The following LGR5 variants were observed in gnomAD, a reference collection of about 807,000 sequenced individuals.
The protein encoded by LGR5 is leucine-rich repeat-containing G protein-coupled receptor 5.
LGR5 carries 54 observed loss-of-function variants against 76.7 expected under a neutral mutation model. The observed-to-expected ratio is 0.70, with a 90% CI of 0.57 to 0.88. The LOEUF (loss-of-function observed/expected upper bound fraction) is 0.88. Among genes scored for constraint, LGR5 ranks in the 40% least tolerant of loss-of-function variants. The pLI is 0.00. For missense variants in LGR5, 1,078 were observed against 1,073.3 expected (o/e 1.00, Z -0.06); for synonymous variants, 406 against 421.9 (o/e 0.96, Z 0.46).
intron 16 of LGR5, among the ~76,000 whole-genome samples, chr12:71,581,418 G>A (rs973839056): frequency 8.5e-5 from 13 of 152,222 alleles, no homozygotes; most frequent in Admixed American, 2.6e-4. Context: ...CCAACCCTGC[G>A]AGTTTGCACA....
At chr12:71,483,087 G>GA (rs968808048) in intron 1 of LGR5, among the ~76,000 whole-genome samples, 2 of 149,406 alleles carry the variant, frequency 1.3e-5, no homozygotes, top group South Asian at 2.1e-4. Context: ...ACTGTTATAA[G>GA]AAAAAAAAAG....
At chr12:71,457,213 T>A (rs1236256470) in intron 1 of LGR5, among the ~76,000 whole-genome samples, 1 of 152,164 alleles carries the variant, frequency 6.6e-6, no homozygotes, top group Admixed American at 6.5e-5. Context: ...AGAACCATTG[T>A]CCAAGCCGCA....
intron 1 of LGR5, among the ~76,000 whole-genome samples, chr12:71,446,468 G>A (rs975736663): frequency 6.6e-6 from 1 of 152,132 alleles, no homozygotes; most frequent in African/African-American, 2.4e-5. Flanking sequence ...ACTTTACTCA[G>A]TCAATACCCC....
At chr12:71,554,783 T>C (rs1877674655) in intron 5 of LGR5, among the ~76,000 whole-genome samples, 1 of 152,192 alleles carries the variant, frequency 6.6e-6, no homozygotes. Flanking sequence ...CACAGTTTTT[T>C]CCCACCATAT....
intron 1 of LGR5, among the ~76,000 whole-genome samples, chr12:71,481,502 G>A (rs977254087): frequency 2.0e-5 from 3 of 152,194 alleles, no homozygotes; most frequent in Middle Eastern, 3.4e-3. Flanking sequence ...ATCATTGATG[G>A]GCATGTGGGT....
rs1378598701 is a variant in LGR5 at position 71,584,749 on chromosome 12, A to G, written c.*15A>G. 1 of 1,599,538 alleles carries G rather than the reference A, an allele frequency of 6.3e-7. No individual in the cohort carries two copies. Among genetic ancestry groups the G allele is most frequent in the African/African-American group, 1.3e-5 (1 of 74,510 alleles). On this transcript the variant is annotated 3_prime_UTR_variant, in exon 18 of 18. Transcript: ENST00000266674. ...CATGTCTCTAATTAATATGTGAAGG[A>G]AAATGTTTTCAAAGGTTGAGAACCT...
intron 4 of LGR5, among the ~76,000 whole-genome samples, chr12:71,539,536 G>T (rs1350847933): frequency 6.6e-6 from 1 of 152,160 alleles, no homozygotes; most frequent in African/African-American, 2.4e-5. Context: ...GGAGTACAGT[G>T]GTGCGATCTC....
chr12:71,465,889 C>T (rs1305717350), intron 1 of LGR5, among the ~76,000 whole-genome samples: 3 of 152,214 alleles, frequency 2.0e-5, no homozygotes, highest in African/African-American at 4.8e-5. Context: ...GAAACAACAG[C>T]AGCCACTGTA....
chr12:71,461,801 C>T (rs116259667), intron 1 of LGR5, among the ~76,000 whole-genome samples: 1,821 of 152,280 alleles, frequency 0.012, 38 homozygotes, highest in African/African-American at 0.042. Flanking sequence ...TGACCTCCTA[C>T]TGTCTAGTCC....
In LGR5 at chr12:71,553,080, G is replaced by C; in HGVS notation, c.436G>C (p.Asp146His). ...NLRSLQSLRLDANHISYVPPS... is the reference protein window; with the variant it reads ...NLRSLQSLRLHANHISYVPPS... ...GCTTTCTTTCTTCCACAGGCGTCTG[G>C]ATGCTAACCACATCAGCTATGTGCC... Residue 146 changes from aspartate (D) to histidine (H), a missense_variant, in exon 5 of 18, where the codon GAT becomes CAT. Transcript: ENST00000266674. The C allele has an allele frequency of 6.2e-7, 1 of 1,613,884 alleles. No homozygotes were observed.
rs140264650 is a variant in LGR5 at position 71,575,722 on chromosome 12, A to ATG, written c.1209-2167_1209-2166dup. ...TGAGACTCCATCTCAAAAAATATATATGTGTGTGTGTGTGTGTGTGTGTGT... is the reference window on the plus strand; with the variant it reads ...TGAGACTCCATCTCAAAAAATATATATGTGTGTGTGTGTGTGTGTGTGTGTGT... On this transcript the variant is annotated intron_variant, in intron 13 of 17. Coordinates refer to ENST00000266674, the MANE Select transcript of LGR5 (RefSeq NM_003667.4). Among the ~76,000 whole-genome samples, 52 of 144,860 alleles carry ATG rather than the reference A, an allele frequency of 3.6e-4. 1 individual carries two copies. The highest frequency in any genetic ancestry group is 3.6e-3 in the Middle Eastern group (1 of 274).
chr12:71,584,080 G>C lies in LGR5; in HGVS notation c.2070G>C (p.Leu690=). Residue 690 remains leucine (L), a synonymous_variant, in exon 18 of 18, where the codon CTG becomes CTC. Coordinates refer to ENST00000266674, the MANE Select transcript of LGR5 (RefSeq NM_003667.4). ...AAGTAATCATTTTGCTCTGTGCCCTGCTGGCCTTGACCATGGCCGCAGTTC... is the reference window on the plus strand; with the variant it reads ...AAGTAATCATTTTGCTCTGTGCCCTCCTGGCCTTGACCATGGCCGCAGTTC... ...SLKVIILLCA[L]LALTMAAVPL... The C allele has an allele frequency of 3.1e-6, 5 of 1,614,204 alleles. No individual in the cohort carries two copies. The highest frequency in any genetic ancestry group is 4.2e-6 in the Non-Finnish European group (5 of 1,180,048).
At chr12:71,472,346 A>G (rs2137244994) in intron 1 of LGR5, among the ~76,000 whole-genome samples, 1 of 152,308 alleles carries the variant, frequency 6.6e-6, no homozygotes, top group South Asian at 2.1e-4. Context: ...CCATTTTATA[A>G]ACAAGGAAAC....
In LGR5 at chr12:71,584,247, A is replaced by T; in HGVS notation, c.2237A>T (p.Lys746Met). ...CTCATGATGACCATTGCCTACACCA[A>T]GCTCTACTGCAATTTGGACAAGGGA... The part of the protein sequence containing the change: ...CFLMMTIAYT[K>M]LYCNLDKGDL... Residue 746 changes from lysine (K) to methionine (M), a missense_variant, in exon 18 of 18, where the codon AAG becomes ATG. By Grantham distance (95) the Lys-to-Met change is moderately conservative. Transcript: ENST00000266674. 1 of 1,614,122 alleles carries T rather than the reference A, an allele frequency of 6.2e-7. No individual in the cohort carries two copies. Among genetic ancestry groups the T allele is most frequent in the South Asian group, 1.1e-5 (1 of 91,082 alleles).
rs546608791 is a variant in LGR5 at position 71,483,229 on chromosome 12, A to G, written c.213-21385A>G. ...ACTGCTATTGCGTGTCTACTCCCAG[A>G]AAAGTGGGAAACTCAGGATTCCAAC... On this transcript the variant is annotated intron_variant, in intron 1 of 17. Coordinates refer to ENST00000266674, the MANE Select transcript of LGR5 (RefSeq NM_003667.4). 3.3e-5 allele frequency among the ~76,000 whole-genome samples: 5 copies of G among 152,328 alleles called. No homozygotes were observed. The East Asian group carries it at 9.6e-4, about 29-fold the overall frequency.
chr12:71,484,277 T>G (rs548797631), intron 1 of LGR5, among the ~76,000 whole-genome samples: 2 of 152,320 alleles, frequency 1.3e-5, no homozygotes, highest in South Asian at 2.1e-4. Context: ...AATGGTACAG[T>G]CCTTTAGAGT....
chr12:71,484,816 C>T (rs895129229), intron 1 of LGR5, among the ~76,000 whole-genome samples: 13 of 152,162 alleles, frequency 8.5e-5, no homozygotes, highest in Middle Eastern at 6.8e-3. Flanking sequence ...CAGAGGAATG[C>T]CCAGTCACAT....
intron 1 of LGR5, among the ~76,000 whole-genome samples, chr12:71,449,683 G>A (rs1371473852): frequency 6.6e-6 from 1 of 152,170 alleles, no homozygotes; most frequent in Non-Finnish European, 1.5e-5. Flanking sequence ...TGCCTTAGCT[G>A]TATGAACATT....
chr12:71,559,596 T>C lies in LGR5; in HGVS notation c.727T>C (p.Tyr243His), dbSNP rs1358486217. ...LHSLETLDLNYNNLDEFPTAI... is the reference protein window; with the variant it reads ...LHSLETLDLNHNNLDEFPTAI... Reference sequence around the variant, plus strand: ...TGTACTCATTTTCAGAGATTTAAATTACAATAACCTTGATGAATTCCCCAC... The same window carrying C: ...TGTACTCATTTTCAGAGATTTAAATCACAATAACCTTGATGAATTCCCCAC... Residue 243 changes from tyrosine (Y) to histidine (H), a missense_variant, in exon 7 of 18, where the codon TAC (tyrosine) becomes CAC (histidine). Physicochemically the swap from Tyr to His is moderately conservative, Grantham distance 83. Transcript: ENST00000266674. 11 of 1,553,120 alleles carry C rather than the reference T, an allele frequency of 7.1e-6. No homozygotes were observed. The highest frequency in any genetic ancestry group is 9.8e-6 in the Non-Finnish European group (11 of 1,125,152).
Sources: gnomAD v4.1 joint callset for allele counts (sites outside exome capture counted in the v4.1 genomes callset) on GRCh38, gnomAD v4.1.1 for gene constraint, MANE v1.5 for transcripts, NCBI Gene and HGNC (gene_info 2026-07-23, HGNC 2026-07-21) for gene names.